Variants in PCDH15 observed in about 807,000 individuals in gnomAD.
The protein encoded by PCDH15 is protocadherin-15.
A neutral mutation model predicts 178.5 loss-of-function variants in PCDH15; 129 were observed. That is an observed-to-expected ratio of 0.72 (90% CI 0.63 to 0.84). The LOEUF (loss-of-function observed/expected upper bound fraction) is 0.84. Among genes scored for constraint, PCDH15 ranks in the 40% least tolerant of loss-of-function variants. The pLI is 0.00. For synonymous variants in PCDH15, 800 were observed against 732.0 expected (o/e 1.09, Z -1.50); for missense variants, 2,230 against 2,099.9 (o/e 1.06, Z -1.21).
At chr10:55,279,326 T>G (rs1270130549) in intron 1 of PCDH15, among the ~76,000 whole-genome samples, 1 of 152,196 alleles carries the variant, frequency 6.6e-6, no homozygotes, top group Non-Finnish European at 1.5e-5. Flanking sequence ...CACAGATATT[T>G]AAATTCAGAA....
At chr10:53,976,005 C>T (rs929593418) in intron 21 of PCDH15, among the ~76,000 whole-genome samples, 10 of 152,118 alleles carry the variant, frequency 6.6e-5, no homozygotes, top group African/African-American at 2.4e-4. Context: ...AGTATACTAG[C>T]ACCATTCACT....
At chr10:54,717,723 A>G (rs1202613915) in intron 1 of PCDH15, among the ~76,000 whole-genome samples, 1 of 140,834 alleles carries the variant, frequency 7.1e-6, no homozygotes, top group Non-Finnish European at 1.5e-5. Flanking sequence ...GGGATCTAGA[A>G]CTGGAAATAC....
chr10:55,398,764 G>C (rs1034446065), intron 2 of PCDH15, among the ~76,000 whole-genome samples: 1 of 151,996 alleles, frequency 6.6e-6, no homozygotes, highest in African/African-American at 2.4e-5. Flanking sequence ...GCCAAGTATT[G>C]GGGTTTTTTA....
At chr10:55,552,728 C>T (rs1360275143) in intron 2 of PCDH15, among the ~76,000 whole-genome samples, 1 of 151,166 alleles carries the variant, frequency 6.6e-6, no homozygotes, top group Non-Finnish European at 1.5e-5. Flanking sequence ...AAAATATTAA[C>T]TAATGCATGA....
chr10:55,588,923 A>T (rs1451022478), intron 2 of PCDH15, among the ~76,000 whole-genome samples: 3 of 151,904 alleles, frequency 2.0e-5, no homozygotes, highest in Non-Finnish European at 4.4e-5. Flanking sequence ...CTCTACCAAA[A>T]ATACAAAATT....
chr10:54,260,740 G>A (rs1022765755), intron 8 of PCDH15, among the ~76,000 whole-genome samples: 3 of 152,148 alleles, frequency 2.0e-5, no homozygotes, highest in East Asian at 3.9e-4. Flanking sequence ...CTACAGGCAT[G>A]CACTAGTAGT....
At position 55,514,135 on chromosome 10, in the gene PCDH15, A is replaced by G. The variant is rs146226219; in HGVS notation, c.-156+113490T>C. Among the ~76,000 whole-genome samples the G allele has an allele frequency of 4.5e-4, 69 of 152,256 alleles. 1 individual carries two copies. In the East Asian group the frequency reaches 0.013, roughly 28 times the overall value. ...GATTTAGAATGTGTGAAGATTTCAT[A>G]TAATAAAACATTTTAATATATGAAT... On this transcript the variant is annotated intron_variant, in intron 2 of 5. Transcript: ENST00000613346.
At chr10:54,079,145 C>A (rs1488625562) in intron 17 of PCDH15, among the ~76,000 whole-genome samples, 186 bp downstream of exon 17, 1 of 152,142 alleles carries the variant, frequency 6.6e-6, no homozygotes, top group Admixed American at 6.5e-5. Flanking sequence ...GGTTGCAGCA[C>A]AATAGCAAAT....
intron 8 of PCDH15, among the ~76,000 whole-genome samples, chr10:54,263,412 G>A (rs902275309): frequency 3.3e-5 from 5 of 152,098 alleles, no homozygotes; most frequent in African/African-American, 4.8e-5. Flanking sequence ...GCACTGTTGC[G>A]GATGCAGCAG....
chr10:54,111,463 G>T (rs1447707821), intron 15 of PCDH15, among the ~76,000 whole-genome samples: 1 of 151,952 alleles, frequency 6.6e-6, no homozygotes, highest in African/African-American at 2.4e-5. Flanking sequence ...ATTCAAACAG[G>T]TTTAGAAATT....
intron 2 of PCDH15, among the ~76,000 whole-genome samples, chr10:55,591,799 T>G (rs1197737390): frequency 6.6e-6 from 1 of 152,062 alleles, no homozygotes; most frequent in Non-Finnish European, 1.5e-5. Context: ...ACAAAAAAAT[T>G]TTAAAAAGCA....
intron 2 of PCDH15, among the ~76,000 whole-genome samples, chr10:54,570,651 A>AT (rs538190066): frequency 1.7e-4 from 25 of 151,070 alleles, no homozygotes; most frequent in African/African-American, 5.3e-4. Flanking sequence ...ACTTGTGTCC[A>AT]TTTTTTTTCC....
intron 15 of PCDH15, among the ~76,000 whole-genome samples, chr10:54,105,984 G>T (rs1590472872): frequency 6.6e-6 from 1 of 152,132 alleles, no homozygotes; most frequent in Non-Finnish European, 1.5e-5. Context: ...ATATATGCTA[G>T]ACCATGGGCA....
In PCDH15 at chr10:54,029,377, C is replaced by T. The variant is rs560617460; in HGVS notation, c.2221-6180G>A. Among the ~76,000 whole-genome samples the T allele has an allele frequency of 7.2e-5, 11 of 152,242 alleles. No individual in the cohort carries two copies. The South Asian group carries it at 2.3e-3, about 32-fold the overall frequency. On this transcript the variant is annotated intron_variant, in intron 18 of 37. Coordinates refer to ENST00000644397, the MANE Select transcript of PCDH15 (RefSeq NM_001384140.1). ...CATCTCTTTTCCCCTTGTACTACATCAAAGCAATGAACAGTAATAGCTGCA... is the reference window on the plus strand; with the variant it reads ...CATCTCTTTTCCCCTTGTACTACATTAAAGCAATGAACAGTAATAGCTGCA...
At chr10:54,684,227 G>C (rs74136242) in intron 1 of PCDH15, among the ~76,000 whole-genome samples, 4 of 151,674 alleles carry the variant, frequency 2.6e-5, no homozygotes, top group Non-Finnish European at 4.4e-5. Flanking sequence ...TTTGTAATAC[G>C]AAGAGGTTGT....
At chr10:55,299,178 G>A (rs1354626809) in intron 1 of PCDH15, among the ~76,000 whole-genome samples, 1 of 152,100 alleles carries the variant, frequency 6.6e-6, no homozygotes, top group Non-Finnish European at 1.5e-5. Flanking sequence ...CTATACAAAA[G>A]ATAGGCCCTC....
intron 2 of PCDH15, among the ~76,000 whole-genome samples, chr10:55,064,953 T>C (rs1051157835): frequency 6.6e-6 from 1 of 152,054 alleles, no homozygotes; most frequent in East Asian, 1.9e-4. Context: ...TTAAAAAATC[T>C]CAATGAGATG....
intron 3 of PCDH15, among the ~76,000 whole-genome samples, chr10:54,409,985 C>A (rs1475672206): frequency 6.6e-6 from 1 of 152,088 alleles, no homozygotes; most frequent in African/African-American, 2.4e-5. Context: ...ATTAATTACC[C>A]AGTCCACAGT....
At chr10:55,346,373 A>G (rs1422841330) in intron 2 of PCDH15, among the ~76,000 whole-genome samples, 1 of 152,178 alleles carries the variant, frequency 6.6e-6, no homozygotes, top group Non-Finnish European at 1.5e-5. Context: ...GTGGTCAGGA[A>G]TATGGAAGTA....
Sources: gnomAD v4.1 joint callset for allele counts (sites outside exome capture counted in the v4.1 genomes callset) on GRCh38, gnomAD v4.1.1 for gene constraint, MANE v1.5 for transcripts, NCBI Gene and HGNC (gene_info 2026-07-23, HGNC 2026-07-21) for gene names.